PDCD6: variants seen among roughly 807,000 people sequenced by gnomAD.
The protein encoded by PDCD6 is programmed cell death protein 6.
In PDCD6, 12 loss-of-function variants were observed where a neutral mutation model predicts 28.3. The ratio of observed to expected loss-of-function variants is 0.42; its 90% CI spans 0.27 to 0.69. The LOEUF (loss-of-function observed/expected upper bound fraction) is 0.69, where lower values mean the gene tolerates loss of function less well. PDCD6 is among the 30% of genes least tolerant of loss of function. The probability of loss-of-function intolerance (pLI) is 0.22; values close to 1 mark genes in which losing one functional copy is unlikely to be tolerated. For synonymous variants in PDCD6, 92 were observed against 108.0 expected (o/e 0.85, Z 0.92); for missense variants, 226 against 269.9 (o/e 0.84, Z 1.14).
At chr5:296,788 C>T (rs1253194238) in intron 2 of PDCD6, among the ~76,000 whole-genome samples, 2 of 152,070 alleles carry the variant, frequency 1.3e-5, no homozygotes, top group East Asian at 1.9e-4. Flanking sequence ...GGGGGCCCGT[C>T]GAGGCCCCTC....
chr5:301,198 A>G (rs1388524569), intron 2 of PDCD6, among the ~76,000 whole-genome samples: 1 of 152,190 alleles, frequency 6.6e-6, no homozygotes, highest in Non-Finnish European at 1.5e-5. Flanking sequence ...GAGGAGAAGA[A>G]GCTCATGGCA....
intron 3 of PDCD6, chr5:306,376 G>GTCCCA: frequency 2.0e-6 from 1 of 507,216 alleles, no homozygotes; most frequent in Non-Finnish European, 3.6e-6. Context: ...CTGGGACTTA[G>GTCCCA]GGGGTCAGGG....
At chr5:272,651 T>C in intron 1 of PDCD6, 60 bp from the exon 2 acceptor site, 1 of 1,536,034 alleles carries the variant, frequency 6.5e-7, no homozygotes, top group South Asian at 1.2e-5. Flanking sequence ...ACAGAAGACG[T>C]TTGTTTTGCT....
At chr5:299,305 C>T (rs1309415347) in intron 2 of PDCD6, among the ~76,000 whole-genome samples, 2 of 112,844 alleles carry the variant, frequency 1.8e-5, no homozygotes, top group African/African-American at 7.8e-5. Context: ...GACGCCCTAC[C>T]TGGGGCACCC....
intron 2 of PDCD6, among the ~76,000 whole-genome samples, chr5:282,574 T>C (rs1239670155): frequency 6.6e-6 from 1 of 151,994 alleles, no homozygotes; most frequent in Non-Finnish European, 1.5e-5. Context: ...GGAGCTGATG[T>C]TCTAGTTTGA....
intron 2 of PDCD6, among the ~76,000 whole-genome samples, chr5:284,136 A>G (rs7356696): frequency 0.24 from 36,617 of 150,978 alleles, 6,878 homozygotes; most frequent in African/African-American, 0.53. Flanking sequence ...CTGATGTTCT[A>G]ATTTGAGTAT....
chr5:306,672 G>A lies in PDCD6; in HGVS notation c.279G>A (p.Thr93=), dbSNP rs1188592475. Residue 93 remains threonine (T), a synonymous_variant, in exon 4 of 6, where the codon ACG becomes ACA. Transcript: ENST00000264933. ...TCACGGGTGTGTGGAAGTACATCAC[G>A]GACTGGCAGAACGTCTTCCGCACGT... ...SEFTGVWKYI[T]DWQNVFRTYD... 9 of 1,613,932 alleles carry A rather than the reference G, an allele frequency of 5.6e-6. No homozygotes were observed. Among genetic ancestry groups the A allele is most frequent in the South Asian group, 3.3e-5 (3 of 91,090 alleles).
chr5:307,787 C>T lies in PDCD6; in HGVS notation c.367+1027C>T, dbSNP rs548784751. Among the ~76,000 whole-genome samples, 17 of 152,190 alleles carry T rather than the reference C, an allele frequency of 1.1e-4. No homozygotes were observed. Among genetic ancestry groups the T allele is most frequent in the Non-Finnish European group, 1.6e-4 (11 of 68,016 alleles). ...TGGAGTCTCACTTATCTAAGCACGT[C>T]GCCTCTCCTCGTGTTTCCTCCCAGC... On this transcript the variant is annotated intron_variant, in intron 4 of 5. Transcript: ENST00000264933. The surrounding 1 kb of genome is among the most constrained non-coding windows in gnomAD (Gnocchi z 6.1).
At chr5:275,500 T>G (rs1412338251) in intron 2 of PDCD6, among the ~76,000 whole-genome samples, 1 of 152,250 alleles carries the variant, frequency 6.6e-6, no homozygotes, top group African/African-American at 2.4e-5. Context: ...TCAATTTAGC[T>G]GCTAGAAAAT....
chr5:274,159 G>A (rs2864969), intron 2 of PDCD6, among the ~76,000 whole-genome samples: 1 of 152,218 alleles, frequency 6.6e-6, no homozygotes, highest in Admixed American at 6.5e-5. Flanking sequence ...TTTGTCACCA[G>A]GGTGATACAA....
At chr5:278,574 A>T (rs904842426) in intron 2 of PDCD6, among the ~76,000 whole-genome samples, 2 of 150,562 alleles carry the variant, frequency 1.3e-5, no homozygotes, top group Non-Finnish European at 2.9e-5. Context: ...TTAGCTGGGT[A>T]TGGTGGCGTG....
chr5:297,544 G>A (rs1326920890), intron 2 of PDCD6, among the ~76,000 whole-genome samples: 1 of 152,140 alleles, frequency 6.6e-6, no homozygotes, highest in Non-Finnish European at 1.5e-5. Context: ...TGTGCACTTT[G>A]GTGAGACTTG....
intron 2 of PDCD6, among the ~76,000 whole-genome samples, chr5:295,982 G>T (rs1469130428): frequency 2.0e-5 from 3 of 152,038 alleles, no homozygotes; most frequent in African/African-American, 7.2e-5. Context: ...GAGGCAGGTG[G>T]CTGGTCAGGC....
At chr5:273,519 G>A (rs1737977254) in intron 2 of PDCD6, among the ~76,000 whole-genome samples, 1 of 152,140 alleles carries the variant, frequency 6.6e-6, no homozygotes, top group Non-Finnish European at 1.5e-5. Flanking sequence ...TCTGTGTATA[G>A]TTTGCTTTTC....
At chr5:303,990 A>C (rs112775860) in intron 2 of PDCD6, among the ~76,000 whole-genome samples, 187 bp from the exon 3 acceptor site, 20,868 of 147,048 alleles carry the variant, frequency 0.14, 2,363 homozygotes, top group African/African-American at 0.41. Context: ...CAGGGTGTGA[A>C]CCCACCAGGC....
At position 314,404 on chromosome 5, in the gene PDCD6, GT is replaced by G. The variant is rs1741136248; in HGVS notation, c.478-9del. ...ATTTACTATCGAGATTTAAATGCCTGTTTTCTCCCCAGAGGTTGACGGATAT... is the reference window on the plus strand; with the variant it reads ...ATTTACTATCGAGATTTAAATGCCTGTTTCTCCCCAGAGGTTGACGGATAT... On this transcript the variant is annotated splice_polypyrimidine_tract_variant and intron_variant, in intron 5 of 5. Coordinates refer to ENST00000264933, the MANE Select transcript of PDCD6 (RefSeq NM_013232.4). 1 of 1,599,584 alleles carries G rather than the reference GT, an allele frequency of 6.3e-7. No individual in the cohort carries two copies. Among genetic ancestry groups the G allele is most frequent in the South Asian group, 1.1e-5 (1 of 90,850 alleles).
chr5:286,046 G>C (rs1738936609), intron 2 of PDCD6, among the ~76,000 whole-genome samples: 1 of 149,606 alleles, frequency 6.7e-6, no homozygotes, highest in African/African-American at 2.5e-5. Context: ...GACCCGGGGA[G>C]TGGGGGGAGC....
intron 2 of PDCD6, among the ~76,000 whole-genome samples, chr5:278,319 A>G (rs529689458): frequency 1.3e-5 from 2 of 152,258 alleles, no homozygotes; most frequent in African/African-American, 4.8e-5. Context: ...AATGAGATCA[A>G]CAAAAATACC....
intron 2 of PDCD6, among the ~76,000 whole-genome samples, chr5:293,914 C>A (rs1404162135): frequency 2.0e-4 from 5 of 24,442 alleles, no homozygotes; most frequent in Non-Finnish European, 1.3e-4. Context: ...GCCCGCGATA[C>A]TGTCAGAGAC....
Sources: allele counts gnomAD v4.1 joint callset (sites outside exome capture counted in the v4.1 genomes callset), GRCh38; gene constraint gnomAD v4.1.1; non-coding constraint Gnocchi (gnomAD v3.1); transcripts MANE v1.5; gene names NCBI Gene and HGNC (gene_info 2026-07-23, HGNC 2026-07-21).